Variants in VSNL1 observed in about 807,000 individuals in gnomAD.
VSNL1 encodes visinin-like protein 1.
In VSNL1, 6 loss-of-function variants were observed where a neutral mutation model predicts 20.4. That is an observed-to-expected ratio of 0.29 (90% CI 0.16 to 0.58). VSNL1 has a LOEUF of 0.58. Ranked by LOEUF, VSNL1 falls within the 20% of genes least tolerant of loss-of-function variation. VSNL1 has a pLI of 0.90. For synonymous variants in VSNL1, 93 were observed against 86.4 expected (o/e 1.08, Z -0.42); for missense variants, 100 against 234.5 (o/e 0.43, Z 3.75).
At chr2:17,563,613 C>T (rs979981719) in intron 1 of VSNL1, among the ~76,000 whole-genome samples, 9 of 151,998 alleles carry the variant, frequency 5.9e-5, no homozygotes, top group Non-Finnish European at 5.9e-5. Flanking sequence ...ACCTGTAGTC[C>T]CAGCTATTTG....
At chr2:17,594,828 C>T (rs1664676783) in intron 2 of VSNL1, among the ~76,000 whole-genome samples, 1 of 152,210 alleles carries the variant, frequency 6.6e-6, no homozygotes, top group Non-Finnish European at 1.5e-5. Flanking sequence ...GGCCAGGGGC[C>T]ACAGTCTCCC....
chr2:17,551,723 C>A (rs564011149), intron 1 of VSNL1, among the ~76,000 whole-genome samples: 1 of 152,190 alleles, frequency 6.6e-6, no homozygotes, highest in African/African-American at 2.4e-5. Flanking sequence ...CAAAGAGGTG[C>A]TCAGTAGAAG....
At chr2:17,623,333 C>T (rs533211204) in intron 2 of VSNL1, among the ~76,000 whole-genome samples, 56 of 152,166 alleles carry the variant, frequency 3.7e-4, no homozygotes, top group African/African-American at 1.3e-3. Flanking sequence ...TAAAACAGTA[C>T]GGTATTGATG....
chr2:17,608,364 A>G (rs1665003848), intron 2 of VSNL1, among the ~76,000 whole-genome samples: 2 of 152,226 alleles, frequency 1.3e-5, no homozygotes, highest in Admixed American at 1.3e-4. Context: ...ACATCGTGTT[A>G]AAGCTAATAT....
intron 2 of VSNL1, among the ~76,000 whole-genome samples, chr2:17,645,844 C>T (rs1479405244): frequency 1.5e-5 from 2 of 135,310 alleles, no homozygotes; most frequent in Middle Eastern, 3.5e-3. Context: ...GGAGTACAAC[C>T]GGGAGCAGTC....
intron 2 of VSNL1, among the ~76,000 whole-genome samples, chr2:17,610,828 A>G (rs1330906860): frequency 6.6e-6 from 1 of 152,218 alleles, no homozygotes; most frequent in African/African-American, 2.4e-5. Flanking sequence ...CAAGGGCCAC[A>G]GTTCAAGGCC....
Position 17,543,600 on chromosome 2 carries a change from G to C in VSNL1, c.-6+2682G>C, listed in dbSNP as rs1284912970. On this transcript the variant is annotated intron_variant, in intron 1 of 3. Coordinates refer to ENST00000295156, the MANE Select transcript of VSNL1 (RefSeq NM_003385.5). ...AAAGCCACCTGCGGAGAAGGGAAAG[G>C]GAAGGGACAGAAAGACCGAAGAAGG... 1.3e-5 allele frequency among the ~76,000 whole-genome samples: 2 copies of C among 152,194 alleles called. 1 individual carries two copies. The highest frequency in any genetic ancestry group is 2.9e-5 in the Non-Finnish European group (2 of 68,050).
chr2:17,593,102 A>G (rs1488493194), intron 2 of VSNL1, among the ~76,000 whole-genome samples: 2 of 152,222 alleles, frequency 1.3e-5, no homozygotes, highest in Non-Finnish European at 2.9e-5. Context: ...ACCCAGATGT[A>G]TATATGTGTA....
At chr2:17,563,541 A>C (rs1022592459) in intron 1 of VSNL1, among the ~76,000 whole-genome samples, 3 of 152,114 alleles carry the variant, frequency 2.0e-5, no homozygotes, top group Non-Finnish European at 4.4e-5. Context: ...CCTGTCTGCT[A>C]TCTGAATGTG....
chr2:17,617,889 GCACA>G (rs70961501), intron 2 of VSNL1, among the ~76,000 whole-genome samples: 20 of 149,656 alleles, frequency 1.3e-4, no homozygotes, highest in African/African-American at 2.7e-4. Flanking sequence ...ACATGCACGC[GCACA>G]CACACACACA....
chr2:17,616,756 C>T (rs995085034), intron 2 of VSNL1, among the ~76,000 whole-genome samples: 11 of 152,194 alleles, frequency 7.2e-5, no homozygotes, highest in African/African-American at 2.7e-4. Context: ...ACCCCAGAGT[C>T]CCTCCTGCCC....
chr2:17,583,319 C>T (rs932753200), intron 1 of VSNL1, among the ~76,000 whole-genome samples: 3 of 152,246 alleles, frequency 2.0e-5, no homozygotes, highest in African/African-American at 7.2e-5. Flanking sequence ...CTCTCGGCAG[C>T]TCCCTGCTGT....
intron 2 of VSNL1, among the ~76,000 whole-genome samples, chr2:17,626,604 T>C (rs984614989): frequency 1.8e-5 from 2 of 112,538 alleles, no homozygotes; most frequent in Admixed American, 2.8e-4. Context: ...AAAGAGAACA[T>C]TGTCTCTAAG....
intron 2 of VSNL1, among the ~76,000 whole-genome samples, chr2:17,601,689 C>A (rs1190814145): frequency 1.3e-5 from 2 of 151,626 alleles, no homozygotes; most frequent in African/African-American, 4.9e-5. Flanking sequence ...AATCCCAGCA[C>A]TTTGGGAGGC....
At chr2:17,632,300 TTTTG>T (rs888336688) in intron 2 of VSNL1, among the ~76,000 whole-genome samples, 3 of 151,688 alleles carry the variant, frequency 2.0e-5, no homozygotes, top group African/African-American at 4.8e-5. Flanking sequence ...TTGTTTTTGA[TTTTG>T]TTTGTTTGTT....
intron 1 of VSNL1, among the ~76,000 whole-genome samples, chr2:17,582,762 T>C (rs1172311234): frequency 2.6e-5 from 4 of 151,902 alleles, no homozygotes; most frequent in Non-Finnish European, 5.9e-5. Flanking sequence ...GGTGGTAGAA[T>C]ACAATGGTGG....
intron 2 of VSNL1, among the ~76,000 whole-genome samples, chr2:17,615,557 T>C (rs61636292): frequency 0.013 from 1,969 of 152,354 alleles, 24 homozygotes; most frequent in East Asian, 0.038. Flanking sequence ...GTCTCAGATA[T>C]TTGGCTACAA....
Position 17,645,527 on chromosome 2 carries a change from A to G in VSNL1, c.163-3883A>G, listed in dbSNP as rs528387914. On this transcript the variant is annotated intron_variant, in intron 2 of 3. Transcript: ENST00000295156. ...CACTGGAGAGAGGCACAGTGTTTGT[A>G]GATCATCACTCAGCCTTTCTGTGCC... Among the ~76,000 whole-genome samples, 5 of 152,386 alleles carry G rather than the reference A, an allele frequency of 3.3e-5. No homozygotes were observed. In the South Asian group the frequency reaches 1.0e-3, roughly 32 times the overall value.
chr2:17,570,434 A>G (rs1307160166), intron 1 of VSNL1, among the ~76,000 whole-genome samples: 3 of 152,194 alleles, frequency 2.0e-5, no homozygotes, highest in African/African-American at 4.8e-5. Flanking sequence ...AAATACCTGA[A>G]AATTTAAATA....
Sources: allele counts gnomAD v4.1 joint callset (sites outside exome capture counted in the v4.1 genomes callset), GRCh38; gene constraint gnomAD v4.1.1; transcripts MANE v1.5; gene names NCBI Gene and HGNC (gene_info 2026-07-23, HGNC 2026-07-21).